The following ZNF630 variants were observed in gnomAD, a reference collection of about 807,000 sequenced individuals.
ZNF630 encodes the protein zinc finger protein 630.
ZNF630 carries 5 observed loss-of-function variants against 7.2 expected under a neutral mutation model. The ratio of observed to expected loss-of-function variants is 0.70; its 90% CI spans 0.36 to 1.46. The LOEUF is 1.46. ZNF630 is among the 40% of genes most tolerant of loss of function. ZNF630 has a pLI of 0.03. For missense variants in ZNF630, 461 were observed against 477.0 expected, an observed-to-expected ratio of 0.97 and a Z score of 0.31; for synonymous variants, 158 against 162.8, an observed-to-expected ratio of 0.97 and a Z score of 0.23.
chrX:48,059,299 C>T lies in ZNF630; in HGVS notation c.1143G>A (p.Arg381=). 1 of 1,208,424 alleles carries T rather than the reference C, an allele frequency of 8.3e-7. No homozygotes were observed. The highest frequency in any genetic ancestry group is 1.1e-6 in the Non-Finnish European group (1 of 893,214). ...REKPFECSEC[R]KAFCEMSHLF... is the part of the protein sequence containing the mutation. Reference sequence around the variant, plus strand: ...GGTGAGACATCTCACAGAAGGCTTTCCTGCATTCACTGCATTCAAAGGGCT... The same window carrying T: ...GGTGAGACATCTCACAGAAGGCTTTTCTGCATTCACTGCATTCAAAGGGCT... Residue 381 remains arginine (R), a synonymous_variant, in exon 5 of 5, where the codon AGG becomes AGA. Coordinates refer to ENST00000276054, the MANE Select transcript of ZNF630 (RefSeq NM_001282201.2).
chrX:48,061,479 AC>A (rs1424168423), intron 2 of ZNF630, among the ~76,000 whole-genome samples: 1 of 111,868 alleles, frequency 8.9e-6, no homozygotes, highest in Non-Finnish European at 1.9e-5. Context: ...TATACACATA[AC>A]AGATAGGATG....
At chrX:48,062,207 A>G (rs2059108447) in intron 2 of ZNF630, among the ~76,000 whole-genome samples, 1 of 111,940 alleles carries the variant, frequency 8.9e-6, no homozygotes, top group Non-Finnish European at 1.9e-5. Context: ...GAAGGCAATT[A>G]ATTTGGCAAT....
At position 48,058,102 on chromosome X, in the gene ZNF630, A is replaced by T. The variant is rs2059078022; in HGVS notation, c.*366T>A. The T allele has an allele frequency of 1.4e-5, 2 of 142,554 alleles. No individual in the cohort carries two copies. The highest frequency in any genetic ancestry group is 2.7e-5 in the Non-Finnish European group (2 of 73,982). The allele number at this position is 142,554 out of a possible 1,213,427, so 11.7% of individuals were successfully genotyped here. Reference sequence around the variant, plus strand: ...GCATATATAATCTAAACAGAAAAATATGGAAAAAATAGAGAAAGATGACAA... The same window carrying T: ...GCATATATAATCTAAACAGAAAAATTTGGAAAAAATAGAGAAAGATGACAA... On this transcript the variant is annotated 3_prime_UTR_variant, in exon 5 of 5. Coordinates refer to ENST00000276054, the MANE Select transcript of ZNF630 (RefSeq NM_001282201.2).
At chrX:48,068,202 A>G (rs2314003) in intron 1 of ZNF630, among the ~76,000 whole-genome samples, 915 of 53,698 alleles carry the variant, frequency 0.017, 13 homozygotes, top group African/African-American at 0.053. Context: ...AAGGAAGGAA[A>G]GAAAAGAAAA....
Position 48,057,773 on chromosome X carries a change from A to T in ZNF630, c.*695T>A, listed in dbSNP as rs1165518206. On this transcript the variant is annotated 3_prime_UTR_variant, in exon 5 of 5. Transcript: ENST00000276054. ...AATATCTCAATCTAAATGCATATAT[A>T]GGTCAGGTGCTGTGGCTCATGCCTG... Among the ~76,000 whole-genome samples the T allele has an allele frequency of 1.8e-5, 2 of 111,481 alleles. No homozygotes were observed. The highest frequency in any genetic ancestry group is 3.8e-5 in the Non-Finnish European group (2 of 53,083).
At chrX:48,063,167 C>A (rs1170828467) in intron 2 of ZNF630, among the ~76,000 whole-genome samples, 1 of 104,020 alleles carries the variant, frequency 9.6e-6, no homozygotes, top group Non-Finnish European at 1.9e-5. Flanking sequence ...GGGGATACAG[C>A]AGGAAAAAAA....
rs782356432 is a variant in ZNF630, at chrX:48,067,684, C to T, written c.-175-623G>A. On this transcript the variant is annotated intron_variant, in intron 1 of 4. Transcript: ENST00000276054. ...GGCGTGGTGGTGCATGCTTGTAATC[C>T]CAGCATGTTGGGAGGCGGAGGTGGG... Among the ~76,000 whole-genome samples, 42 of 110,976 alleles carry T rather than the reference C, an allele frequency of 3.8e-4. 1 individual carries two copies. Among genetic ancestry groups the T allele is most frequent in the African/African-American group, 1.4e-3 (42 of 30,435 alleles).
At chrX:48,063,907 C>T (rs782587979) in intron 2 of ZNF630, among the ~76,000 whole-genome samples, 57 of 110,817 alleles carry the variant, frequency 5.1e-4, no homozygotes, top group Non-Finnish European at 1.0e-3. Context: ...TATATATATA[C>T]GATTTGAAAA....
intron 2 of ZNF630, chrX:48,066,176 A>G (rs187121075): frequency 1.8e-5 from 2 of 111,281 alleles, no homozygotes; most frequent in East Asian, 5.6e-4. Context: ...TTATAAATGC[A>G]TAAAGAAAAG....
rs782739144 is a variant in ZNF630, at chrX:48,058,488, C to G, written c.1954G>C (p.Asp652His). Residue 652 changes from aspartate to histidine, a missense_variant, in exon 5 of 5, where the codon GAC becomes CAC. Coordinates refer to ENST00000276054, the MANE Select transcript of ZNF630 (RefSeq NM_001282201.2). ...CACAATCAGCATATATACAAGGTGT[C>G]TTTCCTATATGGATTCTGATGCCCA... ...FTGHQNPYRK[D>H]TLYIC 1.4e-5 allele frequency: 17 copies of G among 1,180,510 alleles called. No individual in the cohort carries two copies. Among genetic ancestry groups the G allele is most frequent in the South Asian group, 9.8e-5 (5 of 51,187 alleles).
At chrX:48,063,973 G>A (rs554682629) in intron 2 of ZNF630, among the ~76,000 whole-genome samples, 1 of 111,274 alleles carries the variant, frequency 9.0e-6, no homozygotes, top group East Asian at 2.8e-4. Context: ...TCATGTCTGA[G>A]AATGTGGCCT....
In ZNF630 at chrX:48,068,010, C is replaced by T. The variant is rs186147866; in HGVS notation, c.-175-949G>A. On this transcript the variant is annotated intron_variant, in intron 1 of 4. Transcript: ENST00000276054. Reference sequence around the variant, plus strand: ...CAAGGAGGTGGCATTTGCAGTGAGCCGAGATTGAGCCACTGCACTTCAGCC... The same window carrying T: ...CAAGGAGGTGGCATTTGCAGTGAGCTGAGATTGAGCCACTGCACTTCAGCC... Among the ~76,000 whole-genome samples the T allele has an allele frequency of 2.8e-4, 30 of 108,254 alleles. No individual in the cohort carries two copies. In the East Asian group the frequency reaches 7.2e-3, roughly 26 times the overall value. 94.0% of individuals were successfully genotyped at this position (108,254 alleles called of 115,157 possible). A position where few individuals can be genotyped will look rare whatever the true frequency, so the allele number is the denominator to read the frequency against.
In ZNF630 at chrX:48,058,375, A is replaced by G; in HGVS notation, c.*93T>C. ...TGTATACTGAGGAACATATTAGTCT[A>G]TTCTACAGTTGAGAAGTTGTCACTA... On this transcript the variant is annotated 3_prime_UTR_variant, in exon 5 of 5. Transcript: ENST00000276054. The G allele has an allele frequency of 1.1e-6, 1 of 887,412 alleles. No individual in the cohort carries two copies. Among genetic ancestry groups the G allele is most frequent in the South Asian group, 2.7e-5 (1 of 37,401 alleles). The allele number at this position is 887,412 out of a possible 1,213,427, so 73.1% of individuals were successfully genotyped here. A position where few individuals can be genotyped will look rare whatever the true frequency, so the allele number is the denominator to read the frequency against.
At chrX:48,071,241 C>T (rs1556911001) in intron 1 of ZNF630, 26 bp downstream of exon 1, 1 of 110,152 alleles carries the variant, frequency 9.1e-6, no homozygotes, top group Non-Finnish European at 1.9e-5. Context: ...TCACATAGAC[C>T]CGCAGCACTC....
chrX:48,060,010 A>C lies in ZNF630; in HGVS notation c.432T>G (p.Arg144=), dbSNP rs371596246. ...RVLRQVTVIS[R]ETLTDEMGSK... ...AACCCATCTCATCAGTCAATGTTTC[A>C]CGACTGATGACTGTGACCTGCCTCA... is the stretch of plus-strand genomic sequence containing the variant. Residue 144 remains arginine, a synonymous_variant, in exon 5 of 5, where the codon CGT becomes CGG. Coordinates refer to ENST00000276054, the MANE Select transcript of ZNF630 (RefSeq NM_001282201.2). 2.5e-6 allele frequency: 3 copies of C among 1,205,841 alleles called. No individual in the cohort carries two copies. The highest frequency in any genetic ancestry group is 2.3e-4 in the Middle Eastern group (1 of 4,370).
intron 3 of ZNF630, 132 bp from the exon 4 acceptor site, chrX:48,060,677 A>G: frequency 7.6e-6 from 7 of 918,147 alleles, no homozygotes; most frequent in Non-Finnish European, 1.0e-5. Flanking sequence ...TTCTAGATAT[A>G]ACAAAAGTAT....
chrX:48,064,679 G>A (rs2059121976), intron 2 of ZNF630, among the ~76,000 whole-genome samples: 2 of 111,780 alleles, frequency 1.8e-5, no homozygotes, highest in African/African-American at 6.5e-5. Context: ...GCCCAGGCTG[G>A]TCTAGAACTC....
At chrX:48,066,205 A>T (rs1379523716) in intron 2 of ZNF630, 2 of 110,622 alleles carry the variant, frequency 1.8e-5, no homozygotes, top group Non-Finnish European at 3.8e-5. Context: ...CTCAAACCAG[A>T]TAATCCTAGT....
chrX:48,060,106 C>T lies in ZNF630; in HGVS notation c.336G>A (p.Leu112=), dbSNP rs782386685. ...ILERAPKDNS[L]YSVLKIWHID... is the part of the protein sequence containing the mutation. ...TATGCCAGATTTTTAAAACAGAGTACAATGAATTATCCTTTGGGGCTCTTT... is the reference window on the plus strand; with the variant it reads ...TATGCCAGATTTTTAAAACAGAGTATAATGAATTATCCTTTGGGGCTCTTT... The change falls in exon 5 of 5, where the codon TTG becomes TTA. Residue 112 remains leucine (L), a synonymous_variant. Transcript: ENST00000276054. The T allele has an allele frequency of 9.3e-6, 11 of 1,183,605 alleles. No homozygotes were observed. The highest frequency in any genetic ancestry group is 1.2e-5 in the Non-Finnish European group (11 of 880,131).
Sources: gnomAD v4.1 joint callset for allele counts (sites outside exome capture counted in the v4.1 genomes callset) on GRCh38, gnomAD v4.1.1 for gene constraint, MANE v1.5 for transcripts, NCBI Gene and HGNC (gene_info 2026-07-23, HGNC 2026-07-21) for gene names.